The following KLHL3 variants were observed in gnomAD, a reference collection of about 807,000 sequenced individuals.
KLHL3 encodes the protein kelch-like protein 3.
A neutral mutation model predicts 70.5 loss-of-function variants in KLHL3; 19 were observed. The observed-to-expected ratio is 0.27, with a 90% confidence interval of 0.19 to 0.40. The LOEUF (loss-of-function observed/expected upper bound fraction) is 0.40. KLHL3 is among the 10% of genes least tolerant of loss of function. KLHL3 has a pLI of 1.00. For missense variants in KLHL3, 512 were observed against 771.1 expected (o/e 0.66, Z 3.98); for synonymous variants, 258 against 290.3 (o/e 0.89, Z 1.13).
intron 1 of KLHL3, among the ~76,000 whole-genome samples, chr5:137,728,985 A>G (rs1753128802): frequency 6.6e-6 from 1 of 152,060 alleles, no homozygotes; most frequent in Admixed American, 6.5e-5. Context: ...AAAGTTAAAA[A>G]AAAAAAAAAG....
chr5:137,707,250 T>G (rs1752703120), intron 3 of KLHL3, among the ~76,000 whole-genome samples: 1 of 152,100 alleles, frequency 6.6e-6, no homozygotes, highest in Non-Finnish European at 1.5e-5. Flanking sequence ...CTTGCCAACA[T>G]GGCAAAACCC....
intron 5 of KLHL3, among the ~76,000 whole-genome samples, chr5:137,683,844 A>C (rs1237526390): frequency 6.6e-6 from 1 of 152,030 alleles, no homozygotes; most frequent in Non-Finnish European, 1.5e-5. Context: ...AAGGGCCATA[A>C]TAGTGCTATT....
chr5:137,712,680 G>A (rs766131068), intron 2 of KLHL3, among the ~76,000 whole-genome samples: 4 of 152,162 alleles, frequency 2.6e-5, no homozygotes, highest in Non-Finnish European at 5.9e-5. Context: ...CTTGAGGGGA[G>A]AAAAGTAGGA....
In KLHL3 at chr5:137,670,934, C is replaced by T. The variant is rs1454908895; in HGVS notation, c.636+6611G>A. Among the ~76,000 whole-genome samples, 10 of 145,346 alleles carry T rather than the reference C, an allele frequency of 6.9e-5. 1 individual carries two copies. Among genetic ancestry groups the T allele is most frequent in the African/African-American group, 2.1e-4 (8 of 38,310 alleles). ...GTTGCAGTGAGCCGAGATCGTGCCA[C>T]TGCACTCCAGCCTGGGCAAAGAGCG... On this transcript the variant is annotated intron_variant, in intron 6 of 14. Coordinates refer to ENST00000309755, the MANE Select transcript of KLHL3 (RefSeq NM_017415.3).
At chr5:137,721,783 T>G (rs887206452) in intron 1 of KLHL3, among the ~76,000 whole-genome samples, 1 of 152,224 alleles carries the variant, frequency 6.6e-6, no homozygotes. Flanking sequence ...AAACTCTGTC[T>G]CTTGAAAAAG....
chr5:137,723,902 T>G (rs1293481367), intron 1 of KLHL3, among the ~76,000 whole-genome samples: 1 of 152,236 alleles, frequency 6.6e-6, no homozygotes, highest in African/African-American at 2.4e-5. Context: ...CTATTTTTAT[T>G]AAGAGTTTTT....
intron 14 of KLHL3, among the ~76,000 whole-genome samples, chr5:137,625,160 A>G (rs1425720167): frequency 6.6e-6 from 1 of 152,252 alleles, no homozygotes; most frequent in Non-Finnish European, 1.5e-5. Flanking sequence ...ACACTGCCCC[A>G]TGGCACGGGG....
chr5:137,632,375 C>A (rs1400750841), intron 12 of KLHL3, among the ~76,000 whole-genome samples: 4 of 152,172 alleles, frequency 2.6e-5, no homozygotes, highest in African/African-American at 9.6e-5. Flanking sequence ...ACAAGCTGAT[C>A]TTCAAAAAAG....
At chr5:137,676,817 T>C (rs539143784) in intron 6 of KLHL3, among the ~76,000 whole-genome samples, 1 of 152,226 alleles carries the variant, frequency 6.6e-6, no homozygotes, top group Non-Finnish European at 1.5e-5. Context: ...TATGCTATTT[T>C]CACTATAGTA....
chr5:137,700,448 C>T (rs1178050066), intron 3 of KLHL3, among the ~76,000 whole-genome samples: 4 of 152,204 alleles, frequency 2.6e-5, no homozygotes, highest in Non-Finnish European at 5.9e-5. Flanking sequence ...TGACTGTTTT[C>T]TGCCTGTGGA....
chr5:137,699,971 G>A (rs999122000), intron 3 of KLHL3, among the ~76,000 whole-genome samples: 12 of 152,296 alleles, frequency 7.9e-5, no homozygotes, highest in South Asian at 4.2e-4. Context: ...TGACTGGAAC[G>A]GAGAGAAAAG....
intron 3 of KLHL3, 91 bp from the exon 4 acceptor site, chr5:137,698,499 T>TAAAAGC (rs1343448439): frequency 6.1e-6 from 9 of 1,468,380 alleles, no homozygotes; most frequent in Middle Eastern, 1.9e-4. Context: ...CTTGGAAACA[T>TAAAAGC]AAAAGCACTT....
intron 3 of KLHL3, among the ~76,000 whole-genome samples, chr5:137,699,364 G>T (rs1202816965): frequency 6.6e-6 from 1 of 152,176 alleles, no homozygotes; most frequent in Admixed American, 6.5e-5. Context: ...TGGAGAGGTA[G>T]ATGGGGCCAG....
chr5:137,707,675 G>A (rs569876909), intron 3 of KLHL3: 100 of 154,450 alleles, frequency 6.5e-4, no homozygotes, highest in Non-Finnish European at 1.2e-3. Context: ...AGGATGGATG[G>A]TAACCAGGTT....
At position 137,655,986 on chromosome 5, in the gene KLHL3, G is replaced by A. The variant is rs555968074; in HGVS notation, c.903+2145C>T. 7.1e-3 allele frequency among the ~76,000 whole-genome samples: 596 copies of A among 84,454 alleles called. 2 individuals carry two copies. Among genetic ancestry groups the A allele is most frequent in the Middle Eastern group, 0.033 (4 of 122 alleles). 55.4% of individuals were successfully genotyped at this position (84,454 alleles called of 152,430 possible). A position where few individuals can be genotyped will look rare whatever the true frequency, so the allele number is the denominator to read the frequency against. Reference sequence around the variant, plus strand: ...GGCCTGGGTAGAAGAACAAGACTCTGCCTCAAGAAAAAAAAAAAAAAAAAG... The same window carrying A: ...GGCCTGGGTAGAAGAACAAGACTCTACCTCAAGAAAAAAAAAAAAAAAAAG... On this transcript the variant is annotated intron_variant, in intron 8 of 14. Transcript: ENST00000309755.
chr5:137,628,554 T>C (rs1000400739), intron 12 of KLHL3, 117 bp from the exon 13 acceptor site: 1 of 1,113,986 alleles, frequency 9.0e-7, no homozygotes, highest in Non-Finnish European at 1.3e-6. Flanking sequence ...GGAGTGCCAT[T>C]TTGTCTCCCT....
chr5:137,663,748 G>A (rs550848593), intron 6 of KLHL3, among the ~76,000 whole-genome samples: 3 of 152,030 alleles, frequency 2.0e-5, no homozygotes, highest in South Asian at 2.1e-4. Context: ...CTCTATTTTC[G>A]CTATTAAAAA....
At chr5:137,715,800 T>C (rs1321156029) in intron 2 of KLHL3, among the ~76,000 whole-genome samples, 4 of 152,232 alleles carry the variant, frequency 2.6e-5, no homozygotes, top group Admixed American at 2.0e-4. Flanking sequence ...TAATCATGAA[T>C]GTGTACAAGT....
At chr5:137,646,114 A>T (rs1197115154) in intron 8 of KLHL3, among the ~76,000 whole-genome samples, 1 of 152,234 alleles carries the variant, frequency 6.6e-6, no homozygotes, top group East Asian at 1.9e-4. Flanking sequence ...TGATTCAAAA[A>T]TGGGCAAAAA....
Sources: gnomAD v4.1 joint callset for allele counts (sites outside exome capture counted in the v4.1 genomes callset) on GRCh38, gnomAD v4.1.1 for gene constraint, MANE v1.5 for transcripts, NCBI Gene and HGNC (gene_info 2026-07-23, HGNC 2026-07-21) for gene names.